Variants in SLC26A8 observed in about 807,000 individuals in gnomAD.
SLC26A8 encodes the protein testis anion transporter 1.
A neutral mutation model predicts 105.0 loss-of-function variants in SLC26A8; 70 were observed. That is an observed-to-expected ratio of 0.67 (90% CI 0.55 to 0.81). SLC26A8 has a LOEUF of 0.81. SLC26A8 is among the 40% of genes least tolerant of loss of function. SLC26A8 has a pLI of 0.00. For missense variants in SLC26A8, 998 were observed against 1,181.8 expected (o/e 0.84, Z 2.28); for synonymous variants, 415 against 438.3 (o/e 0.95, Z 0.66).
At position 36,019,581 on chromosome 6, in the gene SLC26A8, C is replaced by A; in HGVS notation, c.127G>T (p.Ala43Ser). The A allele has an allele frequency of 6.2e-7, 1 of 1,614,106 alleles. No homozygotes were observed. The highest frequency in any genetic ancestry group is 8.5e-7 in the Non-Finnish European group (1 of 1,180,018). The part of the protein sequence containing the change: ...ETFQQEHKRK[A>S]SSSGNMNINI... ...ATGTTCATGTTCCCAGAAGAGGAGG[C>A]CTTCCTTTTGTGTTCCTGTTGAAAG... is the stretch of plus-strand genomic sequence containing the variant. Residue 43 changes from alanine to serine, a missense_variant, in exon 2 of 20, where the codon GCC (alanine) becomes TCC (serine). Physicochemically the swap from Ala to Ser is moderately conservative, Grantham distance 99 (BLOSUM62 1). Transcript: ENST00000490799.
chr6:35,961,190 T>C, intron 12 of SLC26A8, 91 bp from the exon 13 acceptor site: 3 of 973,994 alleles, frequency 3.1e-6, no homozygotes, highest in Non-Finnish European at 4.7e-6. Flanking sequence ...ACCTTCACCC[T>C]CTCCCTTACT....
At chr6:35,968,854 G>A in intron 11 of SLC26A8, 23 bp downstream of exon 11, 3 of 1,557,080 alleles carry the variant, frequency 1.9e-6, no homozygotes, top group Non-Finnish European at 2.6e-6. Context: ...TGTTGACTTA[G>A]TTATTTGATC....
Position 35,975,396 on chromosome 6 carries a change from A to T in SLC26A8, c.1266T>A (p.Asp422Glu). 6.2e-7 allele frequency: 1 copy of T among 1,608,956 alleles called. No homozygotes were observed. Among genetic ancestry groups the T allele is most frequent in the African/African-American group, 1.3e-5 (1 of 74,770 alleles). The stretch of plus-strand genomic sequence containing the variant: ...ATACCTGTTGTCTTCCTCCAGATTT[A>T]TCCTGGATAATAGTCCTAGCAATAG... ...TGAIARTIIQ[D>E]KSGGRQQFAS... The change falls in exon 10 of 20, where the codon GAT becomes GAA. Residue 422 changes from aspartate to glutamate, a missense_variant. By Grantham distance (45) the Asp-to-Glu change is conservative. Transcript: ENST00000490799.
chr6:35,984,922 A>T (rs1773431828), intron 7 of SLC26A8, among the ~76,000 whole-genome samples: 1 of 152,226 alleles, frequency 6.6e-6, no homozygotes, highest in Non-Finnish European at 1.5e-5. Flanking sequence ...AGGAAAAGCC[A>T]ACCAGCATTA....
At chr6:35,993,155 CATT>C (rs1269798764) in intron 5 of SLC26A8, among the ~76,000 whole-genome samples, 5 of 67,948 alleles carry the variant, frequency 7.4e-5, no homozygotes, top group African/African-American at 1.2e-4. Context: ...TCACACTGGG[CATT>C]TTTTTTTTTT....
chr6:35,986,478 C>T (rs1205616222), intron 7 of SLC26A8, among the ~76,000 whole-genome samples: 1 of 152,026 alleles, frequency 6.6e-6, no homozygotes, highest in Non-Finnish European at 1.5e-5. Flanking sequence ...ATTTTGTATC[C>T]TTTGGCCAAC....
At chr6:36,007,533 T>C (rs909043681) in intron 3 of SLC26A8, among the ~76,000 whole-genome samples, 1 of 152,206 alleles carries the variant, frequency 6.6e-6, no homozygotes, top group African/African-American at 2.4e-5. Flanking sequence ...AAATAATCTA[T>C]AGATTTAATG....
At chr6:35,957,417 A>AT (rs1237282576) in intron 16 of SLC26A8, among the ~76,000 whole-genome samples, 1 of 151,966 alleles carries the variant, frequency 6.6e-6, no homozygotes, top group Non-Finnish European at 1.5e-5. Flanking sequence ...GGTAGTATAT[A>AT]TTGTATAGCA....
rs565003679 is a variant in SLC26A8, at chr6:36,022,539, C to T, written c.-3+1965G>A. Among the ~76,000 whole-genome samples the T allele has an allele frequency of 1.3e-3, 198 of 152,146 alleles. 4 individuals are homozygous for T. Among genetic ancestry groups the T allele is most frequent in the Admixed American group, 5.4e-3 (82 of 15,292 alleles). ...TCCATCATCACAAAAAGTTGTTGGA[C>T]AGTGGAGATAGGAGAGACTGAGGCA... is the stretch of plus-strand genomic sequence containing the variant. On this transcript the variant is annotated intron_variant, in intron 1 of 19. Coordinates refer to ENST00000490799, the MANE Select transcript of SLC26A8 (RefSeq NM_052961.4).
rs563566497 is a variant in SLC26A8, at chr6:35,999,400, T to C, written c.445+592A>G. Reference sequence around the variant, plus strand: ...CTTCTAAACTTATGGGGGAATTTTGTGATTTGATTTCTATGCAGGCTCACC... The same window carrying C: ...CTTCTAAACTTATGGGGGAATTTTGCGATTTGATTTCTATGCAGGCTCACC... On this transcript the variant is annotated intron_variant, in intron 4 of 19. Transcript: ENST00000490799. 5.3e-5 allele frequency among the ~76,000 whole-genome samples: 8 copies of C among 152,288 alleles called. No individual in the cohort carries two copies. In the East Asian group the frequency reaches 1.5e-3, roughly 29 times the overall value.
intron 16 of SLC26A8, among the ~76,000 whole-genome samples, 196 bp from the exon 17 acceptor site, chr6:35,955,716 T>C (rs1366154010): frequency 6.6e-6 from 1 of 152,132 alleles, no homozygotes; most frequent in African/African-American, 2.4e-5. Context: ...CAGTCATCTT[T>C]CCTCATCTTC....
At chr6:36,024,002 T>G (rs1435545724) in intron 1 of SLC26A8, among the ~76,000 whole-genome samples, 1 of 126,204 alleles carries the variant, frequency 7.9e-6, no homozygotes, top group Non-Finnish European at 1.6e-5. Flanking sequence ...ATTATTGGGG[T>G]GGGGGTGCTG....
chr6:35,952,352 T>C (rs1380489097), intron 17 of SLC26A8, among the ~76,000 whole-genome samples: 1 of 152,176 alleles, frequency 6.6e-6, no homozygotes, highest in Non-Finnish European at 1.5e-5. Context: ...AAGTTGCATT[T>C]GATTTTAGTA....
chr6:35,981,972 C>T lies in SLC26A8; in HGVS notation c.1025+149G>A. ...GAAGACACAAGGAGTTGTCCCTAGC[C>T]CTTCTCCTTTCATGAACCTCTGTGT... On this transcript the variant is annotated intron_variant, in intron 8 of 19. Transcript: ENST00000490799. This position sits in a 1 kb window ranked among gnomAD's most constrained non-coding sequence, Gnocchi z 4.0. The T allele has an allele frequency of 1.4e-6, 1 of 720,166 alleles. No homozygotes were observed. Among genetic ancestry groups the T allele is most frequent in the South Asian group, 1.8e-5 (1 of 55,190 alleles). The allele number at this position is 720,166 out of a possible 1,614,324, so 44.6% of individuals were successfully genotyped here.
Position 35,959,517 on chromosome 6 carries a change from T to C in SLC26A8, c.1806A>G (p.Gln602=). Residue 602 remains glutamine (Q), a synonymous_variant, in exon 16 of 20, where the codon CAA becomes CAG. Transcript: ENST00000490799. ...SLFNSSDTNL[Q]GGKICRCFCN... The stretch of plus-strand genomic sequence containing the variant: ...AGAAACACCTGCAAATCTTTCCTCC[T>C]TGTAGATTGGTGTCACTTGAATTAA... 1.2e-6 allele frequency: 2 copies of C among 1,614,086 alleles called. No homozygotes were observed. The highest frequency in any genetic ancestry group is 1.7e-6 in the Non-Finnish European group (2 of 1,180,000).
At position 35,995,149 on chromosome 6, in the gene SLC26A8, CATATATGCAA is replaced by C. The variant is rs1378243010; in HGVS notation, c.628-2485_628-2476del. ...AAAATAGTGACAAATATGTATCACT[CATATATGCAA>C]ATATATGTTACTCTTCTTCATACCA... On this transcript the variant is annotated intron_variant, in intron 5 of 19. Transcript: ENST00000490799. Among the ~76,000 whole-genome samples, 3 of 152,210 alleles carry C rather than the reference CATATATGCAA, an allele frequency of 2.0e-5. No homozygotes were observed. In the South Asian group the frequency reaches 6.2e-4, roughly 31 times the overall value.
intron 7 of SLC26A8, among the ~76,000 whole-genome samples, chr6:35,984,761 A>C (rs1773425043): frequency 6.6e-6 from 1 of 152,192 alleles, no homozygotes; most frequent in Non-Finnish European, 1.5e-5. Context: ...TGTGTAAACC[A>C]AAAACAATAT....
intron 6 of SLC26A8, 137 bp downstream of exon 6, chr6:35,992,373 A>C (rs901688199): frequency 7.9e-6 from 6 of 757,398 alleles, no homozygotes; most frequent in Non-Finnish European, 1.2e-5. Context: ...AAATATTTCT[A>C]GTACCCTCTT....
Position 35,960,803 on chromosome 6 carries a change from A to G in SLC26A8, c.1638+40T>C, listed in dbSNP as rs772383919. ...CTAAGCATGAGGTGGGGCCCACTCT[A>G]TCCCTTAGGCAGAGAAATGGGACCC... On this transcript the variant is annotated intron_variant, in intron 14 of 19. Coordinates refer to ENST00000490799, the MANE Select transcript of SLC26A8 (RefSeq NM_052961.4). The G allele has an allele frequency of 1.9e-6, 3 of 1,593,356 alleles. No individual in the cohort carries two copies. In the Admixed American group the frequency reaches 5.0e-5, roughly 27 times the overall value.
Sources: allele counts gnomAD v4.1 joint callset (sites outside exome capture counted in the v4.1 genomes callset), GRCh38; gene constraint gnomAD v4.1.1; non-coding constraint Gnocchi (gnomAD v3.1); transcripts MANE v1.5; gene names NCBI Gene and HGNC (gene_info 2026-07-23, HGNC 2026-07-21).